Variants in LCOR observed in about 807,000 individuals in gnomAD.
The protein encoded by LCOR is ligand dependent nuclear receptor corepressor.
LCOR carries 14 observed loss-of-function variants against 64.4 expected under a neutral mutation model. The observed-to-expected ratio is 0.22, with a 90% confidence interval of 0.14 to 0.34. LCOR has a LOEUF of 0.34. Ranked by LOEUF, LCOR falls within the 10% of genes least tolerant of loss-of-function variation. LCOR has a pLI of 1.00. For missense variants in LCOR, 1,686 were observed against 1,765.3 expected (o/e 0.96, Z 0.80); for synonymous variants, 643 against 642.5 (o/e 1.00, Z -0.01).
intron 2 of LCOR, among the ~76,000 whole-genome samples, chr10:96,876,913 TG>T (rs1464285068): frequency 9.2e-5 from 14 of 152,156 alleles, no homozygotes; most frequent in Non-Finnish European, 1.8e-4. Flanking sequence ...CAGGTTGGTC[TG>T]GAACTCCTGA....
In LCOR at chr10:96,986,128, G is replaced by T. The variant is rs1001377689; in HGVS notation, c.*994G>T. 1.6e-4 allele frequency: 27 copies of T among 167,090 alleles called. No individual in the cohort carries two copies. Among genetic ancestry groups the T allele is most frequent in the African/African-American group, 5.8e-4 (24 of 41,442 alleles). The allele number at this position is 167,090 out of a possible 1,614,324, so 10.4% of individuals were successfully genotyped here. ...TTTAAGAATATGTATGTCCATGTGT[G>T]TTTGGGTGCATTTGCATGTGGTTAT... On this transcript the variant is annotated 3_prime_UTR_variant, in exon 8 of 8. Transcript: ENST00000421806.
rs1191366389 is a variant in LCOR at position 96,985,866 on chromosome 10, A to C, written c.*732A>C. 6.0e-6 allele frequency: 1 copy of C among 167,056 alleles called. No homozygotes were observed. The highest frequency in any genetic ancestry group is 1.9e-4 in the East Asian group (1 of 5,202). The allele number at this position is 167,056 out of a possible 1,614,324, so 10.3% of individuals were successfully genotyped here. The stretch of plus-strand genomic sequence containing the variant: ...TAATTTTTGTTTACAAACTCTAAAA[A>C]ATCATTTGCATCCCCAAACTGTATT... On this transcript the variant is annotated 3_prime_UTR_variant, in exon 8 of 8. Coordinates refer to ENST00000421806, the MANE Select transcript of LCOR (RefSeq NM_001346516.2).
At chr10:96,920,751 T>TATATGTACACACACACAC (rs761907103) in intron 4 of LCOR, among the ~76,000 whole-genome samples, 2 of 118,866 alleles carry the variant, frequency 1.7e-5, no homozygotes, top group Admixed American at 8.8e-5. Flanking sequence ...TATATATGTA[T>TATATGTACACACACACAC]ACACACACAC....
intron 2 of LCOR, among the ~76,000 whole-genome samples, chr10:96,835,146 G>A (rs1000840810): frequency 6.6e-6 from 1 of 152,152 alleles, no homozygotes; most frequent in African/African-American, 2.4e-5. Context: ...TGATCCGCCC[G>A]CCTCGGCTTC....
intron 4 of LCOR, among the ~76,000 whole-genome samples, chr10:96,934,071 G>A (rs1847308267): frequency 6.6e-6 from 1 of 152,130 alleles, no homozygotes; most frequent in African/African-American, 2.4e-5. Flanking sequence ...GCTTTGGCGA[G>A]ACTTAATTCT....
At chr10:96,838,757 C>T (rs564503505) in intron 2 of LCOR, among the ~76,000 whole-genome samples, 6 of 152,252 alleles carry the variant, frequency 3.9e-5, no homozygotes, top group East Asian at 1.9e-4. Context: ...GTTTCCACTT[C>T]GGGGCTATTA....
At chr10:96,833,642 C>T (rs1190700118) in intron 2 of LCOR, among the ~76,000 whole-genome samples, 163 bp downstream of exon 2, 1 of 152,234 alleles carries the variant, frequency 6.6e-6, no homozygotes, top group Non-Finnish European at 1.5e-5. Context: ...GTCCCCCACG[C>T]CCAGTCCTCG....
At chr10:96,975,792 A>C (rs144035637) in intron 7 of LCOR, among the ~76,000 whole-genome samples, 2,141 of 152,050 alleles carry the variant, frequency 0.014, 82 homozygotes, top group Admixed American at 0.08. Flanking sequence ...AGGCAGGTGG[A>C]TCACCTGAGG....
chr10:96,877,082 G>A (rs1382472870), intron 2 of LCOR, among the ~76,000 whole-genome samples: 1 of 152,148 alleles, frequency 6.6e-6, no homozygotes, highest in Non-Finnish European at 1.5e-5. Context: ...TGCCTATTGT[G>A]TATTGGCTAA....
In LCOR at chr10:96,988,443, G is replaced by A. The variant is rs995517044; in HGVS notation, c.*3309G>A. On this transcript the variant is annotated 3_prime_UTR_variant, in exon 8 of 8. Transcript: ENST00000421806. ...TCCTAAAATCGTATGGATAGAAGAG[G>A]TGCCCTTAGTCATCCCTTTACATAT... 2.0e-5 allele frequency: 3 copies of A among 152,178 alleles called. No homozygotes were observed. Among genetic ancestry groups the A allele is most frequent in the Non-Finnish European group, 4.4e-5 (3 of 68,030 alleles). The allele number at this position is 152,178 out of a possible 1,614,324, so 9.4% of individuals were successfully genotyped here. A position where few individuals can be genotyped will look rare whatever the true frequency, so the allele number is the denominator to read the frequency against.
chr10:96,949,156 G>A lies in LCOR; in HGVS notation c.99G>A (p.Leu33=). The change falls in exon 6 of 8, where the codon CTG becomes CTA. Residue 33 remains leucine, a synonymous_variant. Coordinates refer to ENST00000421806, the MANE Select transcript of LCOR (RefSeq NM_001346516.2). ...CCAATAGCACAAAGAACCAAAGCCTGCCGAAAGCATCTCCAGTCACCACCT... is the reference window on the plus strand; with the variant it reads ...CCAATAGCACAAAGAACCAAAGCCTACCGAAAGCATCTCCAGTCACCACCT... ...SQPNSTKNQS[L]PKASPVTTSP... The A allele has an allele frequency of 6.2e-7, 1 of 1,614,032 alleles. No homozygotes were observed. The highest frequency in any genetic ancestry group is 1.1e-5 in the South Asian group (1 of 91,078).
chr10:96,961,797 T>C (rs1416254978), intron 7 of LCOR: 1 of 151,946 alleles, frequency 6.6e-6, no homozygotes, highest in Non-Finnish European at 1.5e-5. Context: ...ATCTAGAATA[T>C]TTTTACCCCC....
chr10:96,864,391 A>C (rs1482090494), intron 2 of LCOR, among the ~76,000 whole-genome samples: 1 of 152,198 alleles, frequency 6.6e-6, no homozygotes, highest in African/African-American at 2.4e-5. Context: ...CTTTGGGGAC[A>C]GTCTTTGTTT....
At chr10:96,842,678 T>G (rs1845562201) in intron 2 of LCOR, among the ~76,000 whole-genome samples, 1 of 150,806 alleles carries the variant, frequency 6.6e-6, no homozygotes, top group Admixed American at 6.6e-5. Context: ...TCACCCAGGC[T>G]GGAGTGCAGT....
intron 2 of LCOR, among the ~76,000 whole-genome samples, chr10:96,890,836 A>T (rs1402683108): frequency 2.0e-5 from 3 of 152,148 alleles, no homozygotes; most frequent in Admixed American, 6.6e-5. Context: ...TTCTGTTAAT[A>T]TGGTGACTTT....
intron 2 of LCOR, among the ~76,000 whole-genome samples, chr10:96,843,341 C>T (rs1845573642): frequency 6.6e-6 from 1 of 151,998 alleles, no homozygotes; most frequent in Admixed American, 6.6e-5. Flanking sequence ...CTATGTAGCC[C>T]AGGCTTGTCT....
intron 2 of LCOR, among the ~76,000 whole-genome samples, chr10:96,895,637 C>T (rs1427845041): frequency 6.6e-6 from 1 of 152,184 alleles, no homozygotes; most frequent in Non-Finnish European, 1.5e-5. Context: ...AAATCTCTTA[C>T]CTTATCTTGT....
intron 2 of LCOR, among the ~76,000 whole-genome samples, chr10:96,883,957 T>G (rs1485469177): frequency 6.6e-6 from 1 of 152,214 alleles, no homozygotes; most frequent in Non-Finnish European, 1.5e-5. Context: ...AAAACAGTGA[T>G]ATAGATAGCT....
At chr10:96,890,901 T>G (rs1846428112) in intron 2 of LCOR, among the ~76,000 whole-genome samples, 1 of 152,202 alleles carries the variant, frequency 6.6e-6, no homozygotes. Context: ...CTGGGATAAT[T>G]CCATGATGGA....
Sources: allele counts gnomAD v4.1 joint callset (sites outside exome capture counted in the v4.1 genomes callset), GRCh38; gene constraint gnomAD v4.1.1; transcripts MANE v1.5; gene names NCBI Gene and HGNC (gene_info 2026-07-23, HGNC 2026-07-21).